NPAS3: variants seen among roughly 807,000 people sequenced by gnomAD.
NPAS3 encodes the protein neuronal PAS domain protein 3, also known as neuronal PAS domain-containing protein 3.
In NPAS3, 14 loss-of-function variants were observed where a neutral mutation model predicts 73.1. The ratio of observed to expected loss-of-function variants is 0.19; its 90% CI spans 0.13 to 0.30. NPAS3 has a LOEUF of 0.30. Among genes scored for constraint, NPAS3 ranks in the 10% least tolerant of loss-of-function variants. The pLI is 1.00. For missense variants in NPAS3, 1,096 were observed against 1,250.0 expected (o/e 0.88, Z 1.86); for synonymous variants, 620 against 541.5 (o/e 1.14, Z -2.01).
intron 3 of NPAS3, among the ~76,000 whole-genome samples, chr14:33,273,677 A>G (rs188754240): frequency 1.3e-5 from 2 of 152,190 alleles, no homozygotes; most frequent in African/African-American, 4.8e-5. Context: ...TAGGGCTTGT[A>G]TGTAGAATAA....
chr14:33,701,058 G>A (rs2060512028), intron 6 of NPAS3, among the ~76,000 whole-genome samples: 1 of 152,168 alleles, frequency 6.6e-6, no homozygotes, highest in Non-Finnish European at 1.5e-5. Flanking sequence ...GAAACAAAGG[G>A]GAGAGGAGAG....
intron 4 of NPAS3, among the ~76,000 whole-genome samples, chr14:33,447,244 G>A (rs2139343192): frequency 1.3e-5 from 2 of 152,330 alleles, no homozygotes; most frequent in Admixed American, 1.3e-4. Context: ...GGGTGGGTAA[G>A]ATGTCACATG....
At position 33,395,238 on chromosome 14, in the gene NPAS3, TTAAAA is replaced by T. The variant is rs1197085870; in HGVS notation, c.468+27974_468+27978del. On this transcript the variant is annotated intron_variant, in intron 4 of 11. Transcript: ENST00000356141. ...TTGCATTTCGTAATCAGCAGATACT[TTAAAA>T]TAATATTAGTTCTGTCAGTGCCTCA... 6.6e-5 allele frequency among the ~76,000 whole-genome samples: 10 copies of T among 152,270 alleles called. No homozygotes were observed. The East Asian group carries it at 1.5e-3, about 23-fold the overall frequency.
At chr14:33,096,573 G>GTC (rs1458353788) in intron 2 of NPAS3, among the ~76,000 whole-genome samples, 2 of 152,226 alleles carry the variant, frequency 1.3e-5, no homozygotes, top group African/African-American at 4.8e-5. Context: ...AAGTCACTTA[G>GTC]TCTCTCTGTG....
chr14:33,087,891 A>G (rs1231101821), intron 2 of NPAS3, among the ~76,000 whole-genome samples: 2 of 152,326 alleles, frequency 1.3e-5, no homozygotes. Flanking sequence ...GTTTATATTC[A>G]TAATTGTTTT....
rs1277958154 is a variant in NPAS3 at position 33,333,822 on chromosome 14, T to TTCAAG, written c.386-33361_386-33357dup. 3.9e-5 allele frequency among the ~76,000 whole-genome samples: 6 copies of TTCAAG among 152,304 alleles called. No individual in the cohort carries two copies. The East Asian group carries it at 1.2e-3, about 29-fold the overall frequency. On this transcript the variant is annotated intron_variant, in intron 3 of 11. Coordinates refer to ENST00000356141, the Ensembl canonical transcript of NPAS3. ...TCCCACTTATAAACACTGGCATGGC[T>TTCAAG]TCAAGTCCATTTTATTGAAGCAATT...
chr14:33,026,128 A>C (rs1240950629), intron 1 of NPAS3, among the ~76,000 whole-genome samples: 1 of 152,232 alleles, frequency 6.6e-6, no homozygotes, highest in African/African-American at 2.4e-5. Context: ...AATAAGAGGC[A>C]TATGTCAAAT....
intron 1 of NPAS3, among the ~76,000 whole-genome samples, chr14:32,976,859 G>C (rs2037699507): frequency 1.3e-5 from 2 of 152,102 alleles, no homozygotes; most frequent in Non-Finnish European, 2.9e-5. Context: ...AGTCTCTCAG[G>C]TTCTGGCCCT....
At chr14:33,583,173 G>A (rs1474531285) in intron 5 of NPAS3, 1 of 152,046 alleles carries the variant, frequency 6.6e-6, no homozygotes, top group Non-Finnish European at 1.5e-5. Flanking sequence ...CTAACATTGT[G>A]TAATTGTAAA....
intron 4 of NPAS3, among the ~76,000 whole-genome samples, chr14:33,408,163 A>G (rs2047750441): frequency 6.6e-6 from 1 of 152,184 alleles, no homozygotes; most frequent in Non-Finnish European, 1.5e-5. Flanking sequence ...CCAATTCATC[A>G]GTACTAGATG....
chr14:33,392,074 A>C (rs1405985286), intron 4 of NPAS3, among the ~76,000 whole-genome samples: 4 of 152,182 alleles, frequency 2.6e-5, no homozygotes, highest in Admixed American at 6.5e-5. Context: ...AATTTCTATG[A>C]AGTCATATAT....
chr14:33,376,446 T>C lies in NPAS3; in HGVS notation c.468+9178T>C, dbSNP rs192945887. 2.5e-3 allele frequency among the ~76,000 whole-genome samples: 382 copies of C among 152,292 alleles called. 3 individuals are homozygous for C. The highest frequency in any genetic ancestry group is 0.017 in the South Asian group (82 of 4,820). The stretch of plus-strand genomic sequence containing the variant: ...ACTAAATTCAGTATATGCTTTTTTT[T>C]CCCAGAGGTGAGCCAGAACAAGTAC... On this transcript the variant is annotated intron_variant, in intron 4 of 11. Transcript: ENST00000356141.
intron 1 of NPAS3, among the ~76,000 whole-genome samples, chr14:33,000,073 T>C (rs1437352357): frequency 6.6e-6 from 1 of 152,172 alleles, no homozygotes; most frequent in Non-Finnish European, 1.5e-5. Flanking sequence ...GGTAGCACCA[T>C]GCCATATGGA....
At chr14:33,464,686 T>C (rs2050428051) in intron 4 of NPAS3, among the ~76,000 whole-genome samples, 1 of 152,248 alleles carries the variant, frequency 6.6e-6, no homozygotes, top group Non-Finnish European at 1.5e-5. Context: ...CAGAGCATGC[T>C]GTCCTTTTTC....
intron 2 of NPAS3, among the ~76,000 whole-genome samples, chr14:33,066,431 T>A (rs78429656): frequency 0.039 from 5,876 of 152,280 alleles, 161 homozygotes; most frequent in Non-Finnish European, 0.049. Flanking sequence ...CTTGTAGGAA[T>A]AAAGAATGTT....
At chr14:33,749,563 A>T (rs878954467) in intron 7 of NPAS3, among the ~76,000 whole-genome samples, 1 of 152,190 alleles carries the variant, frequency 6.6e-6, no homozygotes, top group Admixed American at 6.5e-5. Flanking sequence ...CTTCTCTATG[A>T]AGTGTGTCTT....
intron 5 of NPAS3, among the ~76,000 whole-genome samples, chr14:33,592,235 C>G (rs1035958416): frequency 3.9e-5 from 6 of 152,082 alleles, no homozygotes; most frequent in African/African-American, 1.4e-4. Context: ...TTTTTCTTCT[C>G]CCTAAAACAA....
intron 2 of NPAS3, among the ~76,000 whole-genome samples, chr14:33,201,170 G>A (rs560957197): frequency 1.3e-5 from 2 of 152,174 alleles, no homozygotes; most frequent in South Asian, 2.1e-4. Flanking sequence ...TTAATAAAAC[G>A]CTAACTTTAT....
intron 8 of NPAS3, among the ~76,000 whole-genome samples, chr14:33,776,405 C>A (rs918100234): frequency 1.3e-5 from 2 of 151,606 alleles, no homozygotes; most frequent in Non-Finnish European, 2.9e-5. Context: ...AATTTTCATT[C>A]CTGTGATCAA....
Sources: allele counts gnomAD v4.1 joint callset (sites outside exome capture counted in the v4.1 genomes callset), GRCh38; gene constraint gnomAD v4.1.1; transcripts MANE v1.5; gene names NCBI Gene and HGNC (gene_info 2026-07-23, HGNC 2026-07-21).